The following MCHR2 variants were observed in gnomAD, a reference collection of about 807,000 sequenced individuals.
MCHR2 encodes melanin-concentrating hormone receptor 2.
A neutral mutation model predicts 24.8 loss-of-function variants in MCHR2; 15 were observed. That is an observed-to-expected ratio of 0.60 (90% CI 0.40 to 0.93). The LOEUF (loss-of-function observed/expected upper bound fraction) is 0.93, where lower values mean the gene tolerates loss of function less well. MCHR2 is among the 40% of genes least tolerant of loss of function. MCHR2 has a pLI of 0.00. For missense variants in MCHR2, 386 were observed against 408.7 expected (o/e 0.94, Z 0.48); for synonymous variants, 151 against 147.6 (o/e 1.02, Z -0.17).
intron 1 of MCHR2, among the ~76,000 whole-genome samples, chr6:99,960,825 TAACTC>T (rs774606424): frequency 3.2e-4 from 48 of 151,922 alleles, no homozygotes; most frequent in Non-Finnish European, 6.0e-4. Context: ...ATACAAAAAT[TAACTC>T]AAGATGGATT....
intron 5 of MCHR2, among the ~76,000 whole-genome samples, chr6:99,925,572 T>A (rs1280916703): frequency 6.6e-6 from 1 of 152,042 alleles, no homozygotes; most frequent in Non-Finnish European, 1.5e-5. Context: ...TTGTATGTTT[T>A]CTGATTTGAG....
At chr6:99,923,660 AATTTAAATGATCATATGTTGATC>A (rs1240789308) in intron 5 of MCHR2, among the ~76,000 whole-genome samples, 4 of 151,922 alleles carry the variant, frequency 2.6e-5, no homozygotes, top group Admixed American at 2.6e-4. Flanking sequence ...TATTATATTG[AATTTAAATGATCATATGTTGATC>A]ATTTAAATGA....
In MCHR2 at chr6:99,961,653, C is replaced by A. The variant is rs539719004; in HGVS notation, c.-27-5479G>T. ...TTCTCACTGATAGGTGAGAGTTGAA[C>A]AACGAGAACACATAGACACAGGGTG... is the stretch of plus-strand genomic sequence containing the variant. On this transcript the variant is annotated intron_variant, in intron 1 of 5. Transcript: ENST00000281806. Among the ~76,000 whole-genome samples, 3 of 152,112 alleles carry A rather than the reference C, an allele frequency of 2.0e-5. No individual in the cohort carries two copies. In the South Asian group the frequency reaches 6.2e-4, roughly 32 times the overall value.
At chr6:99,974,428 C>G (rs910283313) in intron 1 of MCHR2, among the ~76,000 whole-genome samples, 6 of 152,212 alleles carry the variant, frequency 3.9e-5, no homozygotes, top group African/African-American at 1.2e-4. Context: ...TTAAGGACTT[C>G]TCTGCATTGG....
intron 5 of MCHR2, among the ~76,000 whole-genome samples, chr6:99,931,308 C>G (rs1055997310): frequency 3.9e-5 from 6 of 152,292 alleles, no homozygotes; most frequent in African/African-American, 1.2e-4. Flanking sequence ...ATTTGAGGAG[C>G]CAGTCTGCCC....
chr6:99,930,534 G>A (rs374999444), intron 5 of MCHR2, among the ~76,000 whole-genome samples: 20 of 152,050 alleles, frequency 1.3e-4, no homozygotes, highest in South Asian at 1.0e-3. Flanking sequence ...GGCTTTGTTC[G>A]TTTCTTTTTA....
chr6:99,971,100 A>T (rs1274225910), intron 1 of MCHR2, among the ~76,000 whole-genome samples: 1 of 152,176 alleles, frequency 6.6e-6, no homozygotes, highest in Non-Finnish European at 1.5e-5. Flanking sequence ...TCTGTGAAGA[A>T]AGTCATTGGT....
Position 99,956,172 on chromosome 6 carries a change from A to C in MCHR2, c.-25T>G. The C allele has an allele frequency of 6.3e-7, 1 of 1,580,650 alleles. No individual in the cohort carries two copies. The highest frequency in any genetic ancestry group is 8.6e-7 in the Non-Finnish European group (1 of 1,159,322). ...TTGTTCGTGGACTTTCCAGGGATTA[A>C]AGCTGTGAAGTAATAGGAAGTGATT... On this transcript the variant is annotated splice_region_variant and 5_prime_UTR_variant, in exon 2 of 6. Transcript: ENST00000281806.
chr6:99,944,419 C>T (rs1774837173), intron 3 of MCHR2, among the ~76,000 whole-genome samples: 2 of 152,124 alleles, frequency 1.3e-5, no homozygotes, highest in Admixed American at 1.3e-4. Context: ...TTTATGGTCA[C>T]TTAATTTTCT....
In MCHR2 at chr6:99,985,002, C is replaced by A. The variant is rs370682994; in HGVS notation, c.-28+8934G>T. ...AGTTTCAGAATACATAATCAATGTA[C>A]AAAAATTAGTAGCATTTTTATACAA... On this transcript the variant is annotated intron_variant, in intron 1 of 5. Coordinates refer to ENST00000281806, the MANE Select transcript of MCHR2 (RefSeq NM_001040179.2). 1.3e-4 allele frequency among the ~76,000 whole-genome samples: 20 copies of A among 152,138 alleles called. No homozygotes were observed. In the East Asian group the frequency reaches 3.9e-3, roughly 29 times the overall value.
rs987187437 is a variant in MCHR2 at position 99,979,067 on chromosome 6, A to G, written c.-28+14869T>C. On this transcript the variant is annotated intron_variant, in intron 1 of 5. Transcript: ENST00000281806. ...CGGAGGGAGGTGGGTTGGATGGGGAATATCATTTACTTCATAGACATAATA... is the reference window on the plus strand; with the variant it reads ...CGGAGGGAGGTGGGTTGGATGGGGAGTATCATTTACTTCATAGACATAATA... Among the ~76,000 whole-genome samples, 3 of 152,220 alleles carry G rather than the reference A, an allele frequency of 2.0e-5. No individual in the cohort carries two copies. In the East Asian group the frequency reaches 5.8e-4, roughly 29 times the overall value.
chr6:99,930,589 C>T (rs949715239), intron 5 of MCHR2, among the ~76,000 whole-genome samples: 11 of 136,874 alleles, frequency 8.0e-5, no homozygotes, highest in Non-Finnish European at 1.6e-4. Context: ...TCATTCATTT[C>T]ATCTTCTGTC....
intron 1 of MCHR2, among the ~76,000 whole-genome samples, chr6:99,971,065 G>A (rs914335595): frequency 1.3e-5 from 2 of 152,058 alleles, no homozygotes. Context: ...GGTTCCATAT[G>A]AACTTTAAAG....
Position 99,934,515 on chromosome 6 carries a change from T to A in MCHR2, c.590A>T (p.Tyr197Phe). The change falls in exon 5 of 6, where the codon TAT becomes TTT. Residue 197 changes from tyrosine to phenylalanine, a missense_variant and splice_region_variant. Physicochemically the swap from Tyr to Phe is conservative, Grantham distance 22. Transcript: ENST00000281806. The part of the protein sequence containing the change: ...DLTSPDDVLW[Y>F]TLYLTITTFF... ...AGTTGTTATCGTCAAATAAAGTGTA[T>A]ACCTGTAAAATGAGAGAGAGAAGAG... 1.3e-6 allele frequency: 2 copies of A among 1,582,078 alleles called. No homozygotes were observed. Among genetic ancestry groups the A allele is most frequent in the South Asian group, 1.2e-5 (1 of 85,270 alleles).
chr6:99,942,541 T>C (rs982505026), intron 4 of MCHR2, among the ~76,000 whole-genome samples: 1 of 152,150 alleles, frequency 6.6e-6, no homozygotes, highest in Non-Finnish European at 1.5e-5. Context: ...TTCACAGGTA[T>C]GGGGAGCTGG....
At chr6:99,983,408 T>A (rs925974407) in intron 1 of MCHR2, among the ~76,000 whole-genome samples, 1 of 152,212 alleles carries the variant, frequency 6.6e-6, no homozygotes, top group African/African-American at 2.4e-5. Flanking sequence ...AGAATATGCA[T>A]GTCACTCATC....
intron 5 of MCHR2, among the ~76,000 whole-genome samples, chr6:99,929,548 A>G (rs1298931395): frequency 3.9e-5 from 6 of 152,008 alleles, no homozygotes; most frequent in Non-Finnish European, 8.8e-5. Context: ...TATATTTAGG[A>G]TAGTTAGCTC....
At chr6:99,985,909 T>C (rs551437620) in intron 1 of MCHR2, among the ~76,000 whole-genome samples, 1 of 152,236 alleles carries the variant, frequency 6.6e-6, no homozygotes, top group East Asian at 1.9e-4. Flanking sequence ...GCGAAGATAT[T>C]TGCAAACATT....
chr6:99,959,261 G>A (rs1298157205), intron 1 of MCHR2, among the ~76,000 whole-genome samples: 1 of 151,974 alleles, frequency 6.6e-6, no homozygotes, highest in Non-Finnish European at 1.5e-5. Context: ...TGCGTTTCAG[G>A]AAAAAAGAAA....
Sources: gnomAD v4.1 joint callset for allele counts (sites outside exome capture counted in the v4.1 genomes callset) on GRCh38, gnomAD v4.1.1 for gene constraint, MANE v1.5 for transcripts, NCBI Gene and HGNC (gene_info 2026-07-23, HGNC 2026-07-21) for gene names.